GRIK4: variants seen among roughly 807,000 people sequenced by gnomAD.
GRIK4 encodes the protein glutamate receptor ionotropic, kainate 4.
Under a neutral mutation model 104.9 loss-of-function variants are expected in GRIK4, and 40 were observed. The ratio of observed to expected loss-of-function variants is 0.38; its 90% CI spans 0.30 to 0.50. The LOEUF is 0.50. Among genes scored for constraint, GRIK4 ranks in the 20% least tolerant of loss-of-function variants. The pLI is 0.93. For synonymous variants in GRIK4, 485 were observed against 524.9 expected, an observed-to-expected ratio of 0.92 and a Z score of 1.04; for missense variants, 1,047 against 1,308.1, an observed-to-expected ratio of 0.80 and a Z score of 3.08.
intron 1 of GRIK4, among the ~76,000 whole-genome samples, chr11:120,601,529 G>A (rs1221910504): frequency 4.0e-5 from 6 of 151,736 alleles, no homozygotes; most frequent in Non-Finnish European, 7.4e-5. Context: ...AGGTCCCTCT[G>A]TTTAAGGCGG....
chr11:120,548,467 G>A (rs922984527), intron 1 of GRIK4, among the ~76,000 whole-genome samples: 5 of 152,108 alleles, frequency 3.3e-5, no homozygotes, highest in African/African-American at 7.2e-5. Context: ...TCAGAGAAGT[G>A]CAGGGTGTCT....
intron 14 of GRIK4, among the ~76,000 whole-genome samples, chr11:120,945,341 A>G (rs1943833442): frequency 6.6e-6 from 1 of 152,128 alleles, no homozygotes; most frequent in South Asian, 2.1e-4. Context: ...GCATTACATT[A>G]TTCTTTGTTT....
Position 120,905,758 on chromosome 11 carries a change from A to T in GRIK4, c.1476+265A>T, listed in dbSNP as rs1056694645. Among the ~76,000 whole-genome samples, 4 of 152,132 alleles carry T rather than the reference A, an allele frequency of 2.6e-5. No homozygotes were observed. The highest frequency in any genetic ancestry group is 2.6e-4 in the Admixed American group (4 of 15,280). ...TGGAGGCTCTGATTGATTAACACAG[A>T]TGAGGGAGTTTGGGTTCCATTTTTG... On this transcript the variant is annotated intron_variant, in intron 13 of 20. Coordinates refer to ENST00000527524, the MANE Select transcript of GRIK4 (RefSeq NM_014619.5). The surrounding 1 kb of genome is among the most constrained non-coding windows in gnomAD (Gnocchi z 5.1).
At chr11:120,914,651 G>A (rs146912589) in intron 13 of GRIK4, among the ~76,000 whole-genome samples, 178 of 152,224 alleles carry the variant, frequency 1.2e-3, no homozygotes, top group African/African-American at 4.0e-3. Context: ...GAGAGGGGGT[G>A]GAGGAGAACA....
At chr11:120,969,647 T>C (rs956348862) in intron 19 of GRIK4, among the ~76,000 whole-genome samples, 52 of 152,160 alleles carry the variant, frequency 3.4e-4, no homozygotes, top group African/African-American at 1.2e-3. Context: ...TGTCAGCATA[T>C]GTTAATGTTG....
At chr11:120,601,193 G>A (rs1025324634) in intron 1 of GRIK4, among the ~76,000 whole-genome samples, 3 of 152,136 alleles carry the variant, frequency 2.0e-5, no homozygotes, top group African/African-American at 7.2e-5. Flanking sequence ...ATCACTTGAG[G>A]TCAGGAGTTT....
At chr11:120,980,758 G>T (rs1944637920) in intron 19 of GRIK4, among the ~76,000 whole-genome samples, 1 of 152,136 alleles carries the variant, frequency 6.6e-6, no homozygotes, top group African/African-American at 2.4e-5. Context: ...AGAGTGTATA[G>T]TTCATTTGGT....
intron 20 of GRIK4, among the ~76,000 whole-genome samples, chr11:120,983,396 C>G (rs1944684663): frequency 6.6e-6 from 1 of 152,216 alleles, no homozygotes; most frequent in Admixed American, 6.5e-5. Flanking sequence ...CCTCCCTACC[C>G]CTGCACCGAA....
chr11:120,655,053 C>A (rs1949683376), intron 2 of GRIK4, among the ~76,000 whole-genome samples: 1 of 152,068 alleles, frequency 6.6e-6, no homozygotes, highest in African/African-American at 2.4e-5. Flanking sequence ...TTCATATTGG[C>A]CCCGTCTGTT....
At chr11:120,926,091 A>G (rs1195584732) in intron 13 of GRIK4, among the ~76,000 whole-genome samples, 2 of 152,330 alleles carry the variant, frequency 1.3e-5, no homozygotes, top group East Asian at 1.9e-4. Flanking sequence ...TTGTTGGTCA[A>G]TCTTCAGAAA....
intron 13 of GRIK4, among the ~76,000 whole-genome samples, chr11:120,912,658 T>G (rs574564680): frequency 1.5e-4 from 23 of 152,308 alleles, no homozygotes; most frequent in African/African-American, 5.3e-4. Context: ...CAGGGAATAC[T>G]CATTAAAGTC....
chr11:120,721,087 G>A (rs571228862), intron 3 of GRIK4, among the ~76,000 whole-genome samples: 1 of 152,252 alleles, frequency 6.6e-6, no homozygotes, highest in African/African-American at 2.4e-5. Context: ...ATGCTTTTCT[G>A]GAGGTAACTG....
intron 4 of GRIK4, among the ~76,000 whole-genome samples, chr11:120,804,511 T>C (rs1446836344): frequency 6.6e-6 from 1 of 152,214 alleles, no homozygotes; most frequent in Non-Finnish European, 1.5e-5. Flanking sequence ...CCCTCTCTCT[T>C]AGTTTGGGTT....
chr11:120,841,665 C>A (rs1953719871), intron 8 of GRIK4, among the ~76,000 whole-genome samples: 1 of 152,104 alleles, frequency 6.6e-6, no homozygotes, highest in African/African-American at 2.4e-5. Context: ...TGGTAATTAT[C>A]CGTTTATTTA....
At chr11:120,928,523 T>C (rs1228306196) in intron 13 of GRIK4, among the ~76,000 whole-genome samples, 1 of 152,176 alleles carries the variant, frequency 6.6e-6, no homozygotes, top group Non-Finnish European at 1.5e-5. Context: ...GATTGAGGAT[T>C]CGTGGGCCAG....
Position 120,940,558 on chromosome 11 carries a change from G to A in GRIK4, c.1590+98G>A. On this transcript the variant is annotated intron_variant, in intron 14 of 20. Transcript: ENST00000527524. The surrounding 1 kb of genome is among the most constrained non-coding windows in gnomAD (Gnocchi z 4.3). ...AATGAATGACTCATGGAAATATTTA[G>A]ATTTCAAGACTTAAATGCAAATGTG... is the stretch of plus-strand genomic sequence containing the variant. The A allele has an allele frequency of 1.4e-6, 1 of 730,710 alleles. No individual in the cohort carries two copies. The highest frequency in any genetic ancestry group is 1.9e-5 in the South Asian group (1 of 53,740). 45.3% of individuals were successfully genotyped at this position (730,710 alleles called of 1,614,324 possible).
intron 13 of GRIK4, among the ~76,000 whole-genome samples, chr11:120,931,925 C>T (rs1006197578): frequency 6.6e-6 from 1 of 152,124 alleles, no homozygotes; most frequent in African/African-American, 2.4e-5. Flanking sequence ...CTGGCCTTCC[C>T]ACAGCCCCTG....
chr11:120,532,911 C>G (rs1947937125), intron 1 of GRIK4, among the ~76,000 whole-genome samples: 1 of 152,170 alleles, frequency 6.6e-6, no homozygotes. Flanking sequence ...TGGCTTCATT[C>G]ACTCATTCAT....
chr11:120,779,461 T>C (rs1952108231), intron 3 of GRIK4, among the ~76,000 whole-genome samples: 1 of 152,150 alleles, frequency 6.6e-6, no homozygotes, highest in Non-Finnish European at 1.5e-5. Context: ...ATCAGTTGAC[T>C]GCTAGCCAGG....
Sources: gnomAD v4.1 joint callset for allele counts (sites outside exome capture counted in the v4.1 genomes callset) on GRCh38, gnomAD v4.1.1 for gene constraint, Gnocchi (gnomAD v3.1) non-coding constraint, MANE v1.5 for transcripts, NCBI Gene and HGNC (gene_info 2026-07-23, HGNC 2026-07-21) for gene names.